The following RNF216 variants were observed in gnomAD, a reference collection of about 807,000 sequenced individuals.
RNF216 encodes E3 ubiquitin-protein ligase RNF216.
A neutral mutation model predicts 110.8 loss-of-function variants in RNF216; 72 were observed. The observed-to-expected ratio is 0.65, with a 90% CI of 0.54 to 0.79. RNF216 has a LOEUF of 0.79. RNF216 is among the 30% of genes least tolerant of loss of function. The pLI is 0.00. For missense variants in RNF216, 1,342 were observed against 1,141.2 expected (o/e 1.18, Z -2.54); for synonymous variants, 495 against 407.5 (o/e 1.21, Z -2.59).
chr7:5,654,215 GAAGT>G (rs1788586989), intron 13 of RNF216, among the ~76,000 whole-genome samples: 1 of 152,172 alleles, frequency 6.6e-6, no homozygotes, highest in Non-Finnish European at 1.5e-5. Context: ...AGCAAGGGAG[GAAGT>G]AAGACTGGTG....
chr7:5,628,704 A>G (rs1226679820), intron 15 of RNF216, among the ~76,000 whole-genome samples: 1 of 139,646 alleles, frequency 7.2e-6, no homozygotes, highest in East Asian at 2.1e-4. Context: ...TTTTTTTTGT[A>G]GAAATGGGGT....
At chr7:5,626,295 G>C (rs745561818) in intron 15 of RNF216, among the ~76,000 whole-genome samples, 10 of 152,072 alleles carry the variant, frequency 6.6e-5, no homozygotes, top group Non-Finnish European at 1.0e-4. Flanking sequence ...CAAGAGGGTT[G>C]GGTGGGCAGT....
intron 15 of RNF216, among the ~76,000 whole-genome samples, chr7:5,634,855 A>G (rs754092582): frequency 1.3e-5 from 2 of 152,180 alleles, no homozygotes; most frequent in Non-Finnish European, 2.9e-5. Flanking sequence ...CCTCAGTGAC[A>G]TCGAAACCCT....
At chr7:5,775,300 T>C (rs1796713439) in intron 1 of RNF216, 2 of 152,226 alleles carry the variant, frequency 1.3e-5, no homozygotes, top group African/African-American at 2.4e-5. Flanking sequence ...CCCAATTTTC[T>C]GGTTTTCAAA....
chr7:5,749,076 G>A lies in RNF216; in HGVS notation c.201+3770C>T, dbSNP rs527868301. 2.6e-4 allele frequency among the ~76,000 whole-genome samples: 40 copies of A among 151,848 alleles called. 1 individual carries two copies. Among genetic ancestry groups the A allele is most frequent in the African/African-American group, 7.7e-4 (32 of 41,412 alleles). ...CTAACTCCAATGCCTTTTAGTTCACGTGACTTAGGTATTTTTGGTAAGTAA... is the reference window on the plus strand; with the variant it reads ...CTAACTCCAATGCCTTTTAGTTCACATGACTTAGGTATTTTTGGTAAGTAA... On this transcript the variant is annotated intron_variant, in intron 3 of 16. Transcript: ENST00000389902.
intron 8 of RNF216, among the ~76,000 whole-genome samples, chr7:5,723,913 T>C (rs916129452): frequency 2.6e-5 from 4 of 152,228 alleles, no homozygotes; most frequent in Non-Finnish European, 5.9e-5. Flanking sequence ...AACATTAAAC[T>C]ACTAATGTAA....
chr7:5,741,424 T>A lies in RNF216; in HGVS notation c.593A>T (p.Asn198Ile). The A allele has an allele frequency of 6.2e-7, 1 of 1,614,158 alleles. No individual in the cohort carries two copies. Among genetic ancestry groups the A allele is most frequent in the African/African-American group, 1.3e-5 (1 of 75,040 alleles). The change falls in exon 4 of 17, where the codon AAC (asparagine) becomes ATC (isoleucine). Residue 198 changes from asparagine (N) to isoleucine (I), a missense_variant. Transcript: ENST00000389902. ...YTESDPLETQNQSSEDSETEL... is the reference protein window; with the variant it reads ...YTESDPLETQIQSSEDSETEL... The stretch of plus-strand genomic sequence containing the variant: ...TGTCTCTGAGTCTTCGGATGACTGG[T>A]TCTGAGTTTCCAAAGGATCGCTTTC...
At chr7:5,718,289 G>A (rs1456361288) in intron 9 of RNF216, among the ~76,000 whole-genome samples, 3 of 152,116 alleles carry the variant, frequency 2.0e-5, no homozygotes, top group African/African-American at 7.2e-5. Context: ...GCTGAGGCAG[G>A]AGAAGCCCTT....
Position 5,740,933 on chromosome 7 carries a change from A to G in RNF216, c.1044+40T>C, listed in dbSNP as rs368046641. 55 of 1,528,760 alleles carry G rather than the reference A, an allele frequency of 3.6e-5. No individual in the cohort carries two copies. In the African/African-American group the frequency reaches 5.6e-4, roughly 16 times the overall value. The allele number at this position is 1,528,760 out of a possible 1,614,324, so 94.7% of individuals were successfully genotyped here. A position where few individuals can be genotyped will look rare whatever the true frequency, so the allele number is the denominator to read the frequency against. On this transcript the variant is annotated intron_variant, in intron 4 of 16. Coordinates refer to ENST00000389902, the MANE Select transcript of RNF216 (RefSeq NM_207111.4). ...AAAAAAAAAAAGAAAAAAACTCAGTATATGTAGTGTCTACATTTACTTGAT... is the reference window on the plus strand; with the variant it reads ...AAAAAAAAAAAGAAAAAAACTCAGTGTATGTAGTGTCTACATTTACTTGAT...
At chr7:5,669,821 G>C (rs1344912046) in intron 13 of RNF216, among the ~76,000 whole-genome samples, 1 of 152,212 alleles carries the variant, frequency 6.6e-6, no homozygotes, top group African/African-American at 2.4e-5. Flanking sequence ...GAATCTGGGA[G>C]GTGGAGATAA....
At chr7:5,625,664 C>T (rs148989996) in intron 15 of RNF216, among the ~76,000 whole-genome samples, 7 of 152,222 alleles carry the variant, frequency 4.6e-5, no homozygotes, top group African/African-American at 9.7e-5. Flanking sequence ...CTTCACTAAA[C>T]GTGCACTGCA....
intron 7 of RNF216, among the ~76,000 whole-genome samples, chr7:5,725,970 G>T (rs1364836076): frequency 6.6e-6 from 1 of 152,156 alleles, no homozygotes; most frequent in East Asian, 1.9e-4. Flanking sequence ...AGATTAAAGA[G>T]TAACTAGGGA....
At chr7:5,651,803 C>T (rs1354891433) in intron 14 of RNF216, among the ~76,000 whole-genome samples, 2 of 152,118 alleles carry the variant, frequency 1.3e-5, no homozygotes, top group East Asian at 3.9e-4. Flanking sequence ...CAAGCGCCAC[C>T]ATACCCAGCT....
Position 5,624,197 on chromosome 7 carries a change from A to G in RNF216, c.2383-72T>C. ...GCTGAGGCCCCGTGGGACAGTGAGG[A>G]GGCCGCTTGTTGCTTATGGCCATGG... On this transcript the variant is annotated intron_variant, in intron 15 of 16. Transcript: ENST00000389902. The surrounding 1 kb of genome is among the most constrained non-coding windows in gnomAD (Gnocchi z 4.4). 7.5e-7 allele frequency: 1 copy of G among 1,326,470 alleles called. No individual in the cohort carries two copies. Among genetic ancestry groups the G allele is most frequent in the Non-Finnish European group, 1.1e-6 (1 of 938,946 alleles). 82.2% of individuals were successfully genotyped at this position (1,326,470 alleles called of 1,614,324 possible).
At chr7:5,734,322 T>A (rs891010026) in intron 5 of RNF216, among the ~76,000 whole-genome samples, 3 of 152,108 alleles carry the variant, frequency 2.0e-5, no homozygotes, top group Non-Finnish European at 4.4e-5. Flanking sequence ...CTTAACATAA[T>A]GCTGAGTGAA....
chr7:5,730,159 G>A lies in RNF216; in HGVS notation c.1224+556C>T, dbSNP rs1237849636. On this transcript the variant is annotated intron_variant, in intron 6 of 16. Coordinates refer to ENST00000389902, the MANE Select transcript of RNF216 (RefSeq NM_207111.4). The stretch of plus-strand genomic sequence containing the variant: ...GATATTCCACTCTGGGTAATGACCT[G>A]CATGCTGAAGTACTTAGAGGGAAGT... 2.6e-5 allele frequency among the ~76,000 whole-genome samples: 4 copies of A among 152,194 alleles called. No individual in the cohort carries two copies. In the East Asian group the frequency reaches 7.7e-4, roughly 29 times the overall value.
In RNF216 at chr7:5,763,002, T is replaced by C. The variant is rs74735036; in HGVS notation, c.-69-1864A>G. Among the ~76,000 whole-genome samples, 353 of 152,088 alleles carry C rather than the reference T, an allele frequency of 2.3e-3. 3 individuals carry two copies. Among genetic ancestry groups the C allele is most frequent in the Middle Eastern group, 0.01 (3 of 294 alleles). On this transcript the variant is annotated intron_variant, in intron 1 of 16. Coordinates refer to ENST00000389902, the MANE Select transcript of RNF216 (RefSeq NM_207111.4). ...ACATTACATCTCCATGGACCAGCAA[T>C]GGAACAGAAACACAGAAGTTATTGA...
chr7:5,637,223 A>C (rs978131872), intron 15 of RNF216, among the ~76,000 whole-genome samples: 5 of 152,220 alleles, frequency 3.3e-5, no homozygotes, highest in Non-Finnish European at 5.9e-5. Flanking sequence ...ACACAGGGGC[A>C]CGGCCTGCCT....
chr7:5,760,119 T>C (rs1365709035), intron 2 of RNF216, among the ~76,000 whole-genome samples: 2 of 152,200 alleles, frequency 1.3e-5, no homozygotes, highest in Non-Finnish European at 2.9e-5. Flanking sequence ...CAAGTGTAAA[T>C]GTGAATTCGA....
Sources: allele counts gnomAD v4.1 joint callset (sites outside exome capture counted in the v4.1 genomes callset), GRCh38; gene constraint gnomAD v4.1.1; non-coding constraint Gnocchi (gnomAD v3.1); transcripts MANE v1.5; gene names NCBI Gene and HGNC (gene_info 2026-07-23, HGNC 2026-07-21).